The following RASSF6 variants were observed in gnomAD, a reference collection of about 807,000 sequenced individuals.
RASSF6 encodes Ras association domain family member 6, also known as ras association domain-containing protein 6.
Under a neutral mutation model 44.0 loss-of-function variants are expected in RASSF6, and 52 were observed. The observed-to-expected ratio is 1.18, with a 90% confidence interval of 0.95 to 1.49. The LOEUF (loss-of-function observed/expected upper bound fraction) is 1.49, where lower values mean the gene tolerates loss of function less well. Among genes scored for constraint, RASSF6 ranks in the 40% most tolerant of loss-of-function variants. The pLI is 0.00. For missense variants in RASSF6, 464 were observed against 393.3 expected (o/e 1.18, Z -1.52); for synonymous variants, 162 against 124.6 (o/e 1.30, Z -2.00).
chr4:73,606,052 T>G (rs1026228302), intron 2 of RASSF6, among the ~76,000 whole-genome samples: 3 of 152,198 alleles, frequency 2.0e-5, no homozygotes, highest in Admixed American at 2.0e-4. Flanking sequence ...AACCCAACAA[T>G]CCCTTTACTG....
Position 73,571,552 on chromosome 4 carries a change from T to C in RASSF6, c.*4683A>G, listed in dbSNP as rs1722922029. 6.6e-6 allele frequency: 1 copy of C among 151,944 alleles called. No homozygotes were observed. The highest frequency in any genetic ancestry group is 6.6e-5 in the Admixed American group (1 of 15,246). 9.4% of individuals were successfully genotyped at this position (151,944 alleles called of 1,614,324 possible). ...CCACTATATCAGGGAAAAACATATA[T>C]ATATATATAATGTTTAATATTTTTT... On this transcript the variant is annotated 3_prime_UTR_variant, in exon 11 of 11. Coordinates refer to ENST00000307439, the MANE Select transcript of RASSF6 (RefSeq NM_177532.5).
In RASSF6 at chr4:73,576,055, A is replaced by C. The variant is rs1723183777; in HGVS notation, c.*180T>G. ...AACTAAACTCAAACTCATTTTGTCCAACTGTGAACCCTAATTAACCTCATC... is the reference window on the plus strand; with the variant it reads ...AACTAAACTCAAACTCATTTTGTCCCACTGTGAACCCTAATTAACCTCATC... On this transcript the variant is annotated 3_prime_UTR_variant, in exon 11 of 11. Transcript: ENST00000307439. 2.2e-6 allele frequency: 1 copy of C among 463,596 alleles called. No homozygotes were observed. Among genetic ancestry groups the C allele is most frequent in the Non-Finnish European group, 3.8e-6 (1 of 262,848 alleles). The allele number at this position is 463,596 out of a possible 1,614,324, so 28.7% of individuals were successfully genotyped here.
chr4:73,615,679 C>G (rs752322659), intron 1 of RASSF6, among the ~76,000 whole-genome samples: 1 of 152,136 alleles, frequency 6.6e-6, no homozygotes, highest in African/African-American at 2.4e-5. Flanking sequence ...GCTGGAGAAA[C>G]AGGGAATTAG....
At chr4:73,580,144 T>A (rs1278117602) in intron 8 of RASSF6, among the ~76,000 whole-genome samples, 6 of 151,382 alleles carry the variant, frequency 4.0e-5, no homozygotes, top group Non-Finnish European at 8.8e-5. Context: ...GTTCTTGCGA[T>A]AGTTTACTAA....
chr4:73,611,687 T>C, intron 2 of RASSF6, 44 bp downstream of exon 2: 1 of 1,281,918 alleles, frequency 7.8e-7, no homozygotes, highest in South Asian at 1.3e-5. Context: ...ATTCCACAAA[T>C]GACTGGTGAG....
rs142098884 is a variant in RASSF6 at position 73,587,917 on chromosome 4, T to A, written c.305A>T (p.Glu102Val). Residue 102 changes from glutamate to valine, a missense_variant, in exon 5 of 11, where the codon GAA becomes GTA. Coordinates refer to ENST00000307439, the MANE Select transcript of RASSF6 (RefSeq NM_177532.5). ...ACTAATACGATAGAGATCGTCAAAT[T>A]CCCCCCAGCGTGTCATTCTGAGAAG... ...FSSKGMTRWGEFDDLYRISEL... is the reference protein window; with the variant it reads ...FSSKGMTRWGVFDDLYRISEL... The A allele has an allele frequency of 1.6e-4, 252 of 1,607,304 alleles. 1 individual carries two copies. The highest frequency in any genetic ancestry group is 6.8e-5 in the Non-Finnish European group (80 of 1,175,066).
At chr4:73,593,716 G>T (rs773203965) in intron 3 of RASSF6, 123 bp from the exon 4 acceptor site, 2 of 925,654 alleles carry the variant, frequency 2.2e-6, no homozygotes, top group Non-Finnish European at 3.3e-6. Flanking sequence ...AAACGCCAGG[G>T]TTGTTGTTTG....
At chr4:73,615,880 C>A in intron 1 of RASSF6, 1 of 1,549,906 alleles carries the variant, frequency 6.5e-7, no homozygotes, top group Non-Finnish European at 8.7e-7. Context: ...GGTGGGCTTG[C>A]CTGGACTTAC....
intron 8 of RASSF6, 64 bp downstream of exon 8, chr4:73,581,753 T>C: frequency 6.6e-6 from 7 of 1,062,000 alleles, no homozygotes; most frequent in Non-Finnish European, 8.6e-6. Context: ...TCTTCTGCCT[T>C]CCCCCTGGGC....
chr4:73,598,752 T>C (rs1157065380), intron 2 of RASSF6, 34 bp from the exon 3 acceptor site: 15 of 961,750 alleles, frequency 1.6e-5, no homozygotes, highest in Non-Finnish European at 2.3e-5. Context: ...ACAATCAGTC[T>C]TAGAGTTTTT....
rs568781264 is a variant in RASSF6 at position 73,576,114 on chromosome 4, A to G, written c.*121T>C. The G allele has an allele frequency of 4.6e-5, 26 of 562,808 alleles. No individual in the cohort carries two copies. In the African/African-American group the frequency reaches 5.0e-4, roughly 11 times the overall value. The allele number at this position is 562,808 out of a possible 1,614,324, so 34.9% of individuals were successfully genotyped here. On this transcript the variant is annotated 3_prime_UTR_variant, in exon 11 of 11. Transcript: ENST00000307439. ...AAGAAATGAGCTTTTTTTGACATTC[A>G]ATTTTCTACGATTCAAGTCTCATAT... is the stretch of plus-strand genomic sequence containing the variant.
chr4:73,574,273 T>A lies in RASSF6; in HGVS notation c.*1962A>T, dbSNP rs2149359112. On this transcript the variant is annotated 3_prime_UTR_variant, in exon 11 of 11. Transcript: ENST00000307439. ...TTATGCTAGGTTCCTGCAAAGTAGG[T>A]CCCTCCGGCTCCTAATCCCAACAGT... is the stretch of plus-strand genomic sequence containing the variant. The A allele has an allele frequency of 6.6e-6, 1 of 152,456 alleles. No homozygotes were observed. The highest frequency in any genetic ancestry group is 1.9e-4 in the East Asian group (1 of 5,182). The allele number at this position is 152,456 out of a possible 1,614,324, so 9.4% of individuals were successfully genotyped here. A position where few individuals can be genotyped will look rare whatever the true frequency, so the allele number is the denominator to read the frequency against.
intron 3 of RASSF6, 31 bp from the exon 4 acceptor site, chr4:73,593,624 T>C (rs1724734697): frequency 6.3e-7 from 1 of 1,599,848 alleles, no homozygotes; most frequent in Non-Finnish European, 8.5e-7. Flanking sequence ...CCCCCAATTG[T>C]TTTTGTATTA....
intron 2 of RASSF6, among the ~76,000 whole-genome samples, chr4:73,610,729 C>G (rs748006624): frequency 6.6e-6 from 1 of 152,182 alleles, no homozygotes; most frequent in Non-Finnish European, 1.5e-5. Context: ...CAATCAGAAC[C>G]CTTTCCGCTC....
At chr4:73,616,253 C>CTATG in intron 1 of RASSF6, among the ~76,000 whole-genome samples, 1 of 151,498 alleles carries the variant, frequency 6.6e-6, no homozygotes, top group Non-Finnish European at 1.5e-5. Context: ...ATCTATCTAT[C>CTATG]TATCTATCTA....
rs1723019686 is a variant in RASSF6 at position 73,573,347 on chromosome 4, CG to C, written c.*2887del. 6.6e-6 allele frequency: 1 copy of C among 152,054 alleles called. No homozygotes were observed. 9.4% of individuals were successfully genotyped at this position (152,054 alleles called of 1,614,324 possible). A position where few individuals can be genotyped will look rare whatever the true frequency, so the allele number is the denominator to read the frequency against. ...TTCACCATGTTGGCCAGGCTGGTCT[CG>C]AAATCCCAACCTCAAGTGATCCACC... On this transcript the variant is annotated 3_prime_UTR_variant, in exon 11 of 11. Transcript: ENST00000307439.
chr4:73,599,278 C>A (rs28562313), intron 2 of RASSF6, among the ~76,000 whole-genome samples: 1 of 152,178 alleles, frequency 6.6e-6, no homozygotes, highest in Non-Finnish European at 1.5e-5. Context: ...AAGATCCCAG[C>A]TGGCTGGGTG....
chr4:73,585,410 C>T, intron 5 of RASSF6, 46 bp from the exon 6 acceptor site: 1 of 1,323,202 alleles, frequency 7.6e-7, no homozygotes, highest in Middle Eastern at 1.9e-4. Flanking sequence ...CTGCCTGTGT[C>T]CTAGCATCCT....
chr4:73,603,565 C>T (rs1212730636), intron 2 of RASSF6, among the ~76,000 whole-genome samples: 1 of 152,074 alleles, frequency 6.6e-6, no homozygotes, highest in Non-Finnish European at 1.5e-5. Context: ...ATAGTGGACC[C>T]AGAGTTTACT....
Sources: allele counts gnomAD v4.1 joint callset (sites outside exome capture counted in the v4.1 genomes callset), GRCh38; gene constraint gnomAD v4.1.1; transcripts MANE v1.5; gene names NCBI Gene and HGNC (gene_info 2026-07-23, HGNC 2026-07-21).